Variants in CROCC observed in about 807,000 individuals in gnomAD.
CROCC encodes the protein ciliary rootlet coiled-coil, rootletin, also known as rootletin.
In CROCC, 180 loss-of-function variants were observed where a neutral mutation model predicts 245.2. The observed-to-expected ratio is 0.73, with a 90% CI of 0.65 to 0.83. The LOEUF (loss-of-function observed/expected upper bound fraction) is 0.83. CROCC is among the 40% of genes least tolerant of loss of function. The probability of loss-of-function intolerance (pLI) is 0.00; values close to 1 mark genes in which losing one functional copy is unlikely to be tolerated. For synonymous variants in CROCC, 1,205 were observed against 1,241.6 expected, an observed-to-expected ratio of 0.97 and a Z score of 0.62; for missense variants, 2,688 against 2,779.4, an observed-to-expected ratio of 0.97 and a Z score of 0.74.
chr1:16,930,057 G>T (rs750263860), intron 4 of CROCC, 26 bp downstream of exon 4: 11 of 1,566,044 alleles, frequency 7.0e-6, no homozygotes, highest in South Asian at 5.9e-5. Context: ...TCCTGCTCCT[G>T]TCCTCCCACC....
chr1:16,968,455 A>G, intron 31 of CROCC, 37 bp downstream of exon 31: 1 of 1,451,130 alleles, frequency 6.9e-7, no homozygotes, highest in Non-Finnish European at 9.1e-7. Flanking sequence ...CAGTGTTCAC[A>G]TGCCCTGTGC....
chr1:16,955,921 G>T, intron 24 of CROCC, 76 bp from the exon 25 acceptor site: 1 of 1,518,054 alleles, frequency 6.6e-7, no homozygotes, highest in Non-Finnish European at 8.9e-7. Flanking sequence ...TCCAGAAATT[G>T]GAGGAGACGG....
chr1:16,931,055 G>A (rs1357551267), intron 7 of CROCC, among the ~76,000 whole-genome samples: 5 of 152,400 alleles, frequency 3.3e-5, no homozygotes, highest in South Asian at 2.1e-4. Context: ...TTTGCCCTTC[G>A]TTGCTGCCTC....
At chr1:16,914,662 G>T (rs1261647693) in intron 1 of CROCC, among the ~76,000 whole-genome samples, 3 of 152,298 alleles carry the variant, frequency 2.0e-5, no homozygotes, top group African/African-American at 7.2e-5. Flanking sequence ...TGCTGTGCGG[G>T]GATGGGGCCC....
chr1:16,938,921 G>T lies in CROCC; in HGVS notation c.1387G>T (p.Asp463Tyr), dbSNP rs114323849. 0.035 allele frequency: 55,231 copies of T among 1,583,240 alleles called. No homozygotes were observed. Among genetic ancestry groups the T allele is most frequent in the Middle Eastern group, 0.05 (299 of 5,964 alleles). Residue 463 changes from aspartate (D) to tyrosine (Y), a missense_variant, in exon 12 of 37, where the codon GAC becomes TAC. Physicochemically the swap from Asp to Tyr is radical, Grantham distance 160 (BLOSUM62 -3). This residue lies in a region of CROCC where 972 missense variants were observed against 895.3 expected (regional missense o/e 1.09). Transcript: ENST00000375541. ...CCCCCACCCTCAGGCCGTCTTGTCA[G>T]ACTCTGAGAGCGGCGTCCAGCTGAG... ...LRDLAQAVLS[D>Y]SESGVQLSGS...
chr1:16,970,488 C>T (rs778645783), intron 34 of CROCC, 35 bp downstream of exon 34: 2 of 1,528,408 alleles, frequency 1.3e-6, no homozygotes, highest in Non-Finnish European at 1.8e-6. Flanking sequence ...CTCACTTCCT[C>T]TGGGGCCTAA....
At chr1:16,919,194 G>A (rs777249932), upstream of CROCC, among the ~76,000 whole-genome samples, 2 of 152,288 alleles carry the variant, frequency 1.3e-5, no homozygotes, top group Non-Finnish European at 2.9e-5. Context: ...ATACAGCACC[G>A]TGGCATTCTG....
At chr1:16,967,248 T>C (rs1021557613) in intron 30 of CROCC, among the ~76,000 whole-genome samples, 1 of 152,096 alleles carries the variant, frequency 6.6e-6, no homozygotes, top group Non-Finnish European at 1.5e-5. Context: ...CTGGGGTTTT[T>C]ATGTGTGTTT....
rs1157496924 is a variant in CROCC at position 16,939,181 on chromosome 1, C to T, written c.1608+39C>T. The T allele has an allele frequency of 4.0e-6, 5 of 1,238,884 alleles. No homozygotes were observed. The African/African-American group carries it at 8.1e-5, about 20-fold the overall frequency. The allele number at this position is 1,238,884 out of a possible 1,614,324, so 76.7% of individuals were successfully genotyped here. On this transcript the variant is annotated intron_variant, in intron 12 of 36. Coordinates refer to ENST00000375541, the MANE Select transcript of CROCC (RefSeq NM_014675.5). Reference sequence around the variant, plus strand: ...TGAGCGTTCTGGGCGCAGCCAGAGGCCTGGGGGAGGGGCTCGCGCCCTCCG... The same window carrying T: ...TGAGCGTTCTGGGCGCAGCCAGAGGTCTGGGGGAGGGGCTCGCGCCCTCCG...
intron 13 of CROCC, chr1:16,941,050 G>T: frequency 3.9e-6 from 1 of 253,666 alleles, no homozygotes; most frequent in Non-Finnish European, 8.1e-6. Context: ...TGTAGAGATG[G>T]GGGTCTCACT....
intron 2 of CROCC, 101 bp from the exon 3 acceptor site, chr1:16,924,224 A>G: frequency 1.4e-6 from 2 of 1,429,718 alleles, no homozygotes; most frequent in Non-Finnish European, 1.9e-6. Context: ...TCCCATCTGG[A>G]CTCCTCCCAG....
intron 24 of CROCC, 104 bp downstream of exon 24, chr1:16,955,654 T>C (rs2076239225): frequency 1.9e-6 from 2 of 1,055,350 alleles, no homozygotes; most frequent in African/African-American, 3.2e-5. Flanking sequence ...ATACGGATCC[T>C]CTGTCTCCTA....
chr1:16,943,410 C>T (rs1178241217), intron 13 of CROCC, among the ~76,000 whole-genome samples: 10 of 151,114 alleles, frequency 6.6e-5, no homozygotes, highest in Non-Finnish European at 8.8e-5. Context: ...TGGTGGCGGG[C>T]GCCTGTATTC....
intron 13 of CROCC, among the ~76,000 whole-genome samples, chr1:16,943,563 C>G (rs1212121124): frequency 6.6e-6 from 1 of 152,204 alleles, no homozygotes; most frequent in Non-Finnish European, 1.5e-5. Flanking sequence ...AACAAAATCA[C>G]GCTGTGAAGT....
intron 32 of CROCC, 48 bp downstream of exon 32, chr1:16,969,388 C>T: frequency 1.3e-6 from 2 of 1,543,892 alleles, no homozygotes; most frequent in Non-Finnish European, 1.8e-6. Context: ...AGAGAGTCAG[C>T]CAGTAAGAGC....
At chr1:16,917,139 A>G (rs1433926712), upstream of CROCC, among the ~76,000 whole-genome samples, 3 of 152,288 alleles carry the variant, frequency 2.0e-5, no homozygotes, top group Non-Finnish European at 4.4e-5. Flanking sequence ...AAAACAAAAA[A>G]CAAAAACCCT....
chr1:16,946,423 G>GGGCCCACCTGCC lies in CROCC; in HGVS notation c.2283+19_2283+30dup, dbSNP rs1553156636. The GGGCCCACCTGCC allele has an allele frequency of 6.2e-7, 1 of 1,605,004 alleles. No individual in the cohort carries two copies. The highest frequency in any genetic ancestry group is 8.5e-7 in the Non-Finnish European group (1 of 1,175,724). ...TCGCCCAGGTACGCTGTGCACCTGC[G>GGGCCCACCTGCC]GGCCCACCTGCCTTGCCCACCCATC... On this transcript the variant is annotated intron_variant, in intron 16 of 36. Coordinates refer to ENST00000375541, the MANE Select transcript of CROCC (RefSeq NM_014675.5).
intron 13 of CROCC, among the ~76,000 whole-genome samples, chr1:16,943,662 G>GTGGCCAC (rs1331328478): frequency 6.6e-6 from 1 of 152,276 alleles, no homozygotes; most frequent in African/African-American, 2.4e-5. Context: ...CTCCCCTGCC[G>GTGGCCAC]TGGCCACCAT....
In CROCC at chr1:16,930,170, T is replaced by G. The variant is rs2100360467; in HGVS notation, c.584T>G (p.Leu195Arg). Residue 195 changes from leucine to arginine, a missense_variant, in exon 5 of 37, where the codon CTG becomes CGG. By Grantham distance (102) the Leu-to-Arg change is moderately radical (BLOSUM62 -2). Coordinates refer to ENST00000375541, the MANE Select transcript of CROCC (RefSeq NM_014675.5). Reference sequence around the variant, plus strand: ...TGCTCGGAGCTGGAGCAGCAGCTGCTGGAGAGATCCGGAGAGCTGGAGCAG... The same window carrying G: ...TGCTCGGAGCTGGAGCAGCAGCTGCGGGAGAGATCCGGAGAGCTGGAGCAG... ...KRCSELEQQL[L>R]ERSGELEQQR... The G allele has an allele frequency of 6.3e-7, 1 of 1,594,332 alleles. No homozygotes were observed. Among genetic ancestry groups the G allele is most frequent in the Non-Finnish European group, 8.5e-7 (1 of 1,171,072 alleles).
Sources: gnomAD v4.1 joint callset for allele counts (sites outside exome capture counted in the v4.1 genomes callset) on GRCh38, gnomAD v4.1.1 for gene constraint, gnomAD v4.1.1 regional missense constraint, MANE v1.5 for transcripts, NCBI Gene and HGNC (gene_info 2026-07-23, HGNC 2026-07-21) for gene names.